Variants in PKHD1 observed in about 807,000 individuals in gnomAD.
PKHD1 encodes the protein PKHD1 ciliary IPT domain containing fibrocystin/polyductin, also known as fibrocystin.
A neutral mutation model predicts 412.0 loss-of-function variants in PKHD1; 291 were observed. The ratio of observed to expected loss-of-function variants is 0.71; its 90% CI spans 0.64 to 0.78. The LOEUF (loss-of-function observed/expected upper bound fraction) is 0.78, where lower values mean the gene tolerates loss of function less well. Among genes scored for constraint, PKHD1 ranks in the 30% least tolerant of loss-of-function variants. The pLI, the probability that PKHD1 is intolerant of heterozygous loss-of-function variation, is 0.00. For synonymous variants in PKHD1, 1,777 were observed against 1,821.5 expected (o/e 0.98, Z 0.62); for missense variants, 4,825 against 4,950.7 (o/e 0.97, Z 0.76).
chr6:52,003,001 C>G (rs1315810154), intron 35 of PKHD1, among the ~76,000 whole-genome samples: 3 of 152,046 alleles, frequency 2.0e-5, no homozygotes, highest in Admixed American at 6.6e-5. Context: ...CAATATGAAG[C>G]TCACTCTCAG....
intron 49 of PKHD1, among the ~76,000 whole-genome samples, chr6:51,849,146 T>C (rs529819476): frequency 2.0e-5 from 3 of 152,244 alleles, no homozygotes; most frequent in South Asian, 4.2e-4. Flanking sequence ...AGTGAGAACA[T>C]GCAGTGTTTG....
At position 52,059,259 on chromosome 6, in the gene PKHD1, C is replaced by CTTTTTTTTTTTTTTTTTTTTT. The variant is rs55992586; in HGVS notation, c.1233+648_1234-659dup. Among the ~76,000 whole-genome samples the CTTTTTTTTTTTTTTTTTTTTT allele has an allele frequency of 7.1e-4, 59 of 83,520 alleles. 1 individual carries two copies. The highest frequency in any genetic ancestry group is 9.9e-4 in the African/African-American group (19 of 19,168). The allele number at this position is 83,520 out of a possible 152,430, so 54.8% of individuals were successfully genotyped here. A position where few individuals can be genotyped will look rare whatever the true frequency, so the allele number is the denominator to read the frequency against. On this transcript the variant is annotated intron_variant, in intron 15 of 66. Coordinates refer to ENST00000371117, the MANE Select transcript of PKHD1 (RefSeq NM_138694.4). ...CTTTCTTTTTTTTCTTTTTCTTTTT[C>CTTTTTTTTTTTTTTTTTTTTT]TTTTTTTTTTTTTTTTTTTTTTTTG...
Position 51,638,859 on chromosome 6 carries a change from A to T in PKHD1, c.11496T>A (p.Thr3832=). Residue 3832 remains threonine, a synonymous_variant, in exon 64 of 67, where the codon ACT becomes ACA. Transcript: ENST00000371117. ...GSNWHFIFTV[T]SPPGVNFTAR... Reference sequence around the variant, plus strand: ...ACTGTATAAAATTACCTGGAGGAGAAGTGACAGTAAAAATAAAGTGCCAGT... The same window carrying T: ...ACTGTATAAAATTACCTGGAGGAGATGTGACAGTAAAAATAAAGTGCCAGT... 6.3e-7 allele frequency: 1 copy of T among 1,593,416 alleles called. No individual in the cohort carries two copies. Among genetic ancestry groups the T allele is most frequent in the Non-Finnish European group, 8.6e-7 (1 of 1,161,172 alleles).
At chr6:51,937,148 G>T (rs1242228464) in intron 36 of PKHD1, among the ~76,000 whole-genome samples, 1 of 152,160 alleles carries the variant, frequency 6.6e-6, no homozygotes, top group Admixed American at 6.5e-5. Flanking sequence ...TTGATTCCAG[G>T]TCTTTAGATA....
At position 51,616,684 on chromosome 6, in the gene PKHD1, G is replaced by A; in HGVS notation, c.*2397C>T. 2.5e-6 allele frequency: 1 copy of A among 398,406 alleles called. No individual in the cohort carries two copies. Among genetic ancestry groups the A allele is most frequent in the East Asian group, 3.6e-5 (1 of 28,058 alleles). The allele number at this position is 398,406 out of a possible 1,614,324, so 24.7% of individuals were successfully genotyped here. A position where few individuals can be genotyped will look rare whatever the true frequency, so the allele number is the denominator to read the frequency against. ...CCCAAAGAGTCAATTCTGGCCTCAG[G>A]GATCACAGGCTTTTCTGGGATGGAA... On this transcript the variant is annotated 3_prime_UTR_variant, in exon 67 of 67. Coordinates refer to ENST00000371117, the MANE Select transcript of PKHD1 (RefSeq NM_138694.4).
chr6:51,735,925 C>T (rs1486907675), intron 60 of PKHD1, among the ~76,000 whole-genome samples: 2 of 152,002 alleles, frequency 1.3e-5, no homozygotes, highest in African/African-American at 4.8e-5. Flanking sequence ...CAGAGTGAGA[C>T]CTTGTTTCTA....
At chr6:51,848,513 A>G (rs1417134147) in intron 49 of PKHD1, among the ~76,000 whole-genome samples, 2 of 152,214 alleles carry the variant, frequency 1.3e-5, no homozygotes, top group Admixed American at 6.5e-5. Flanking sequence ...AGGCAGGCAG[A>G]GGTTCAGTAG....
rs150609510 is a variant in PKHD1, at chr6:51,917,006, C to A, written c.6122-4430G>T. On this transcript the variant is annotated intron_variant, in intron 37 of 66. Coordinates refer to ENST00000371117, the MANE Select transcript of PKHD1 (RefSeq NM_138694.4). ...CATCCATAATTACACAGTCTCAGAG[C>A]ACCATTCTTACTAAATGGGCATGGA... Among the ~76,000 whole-genome samples, 633 of 152,106 alleles carry A rather than the reference C, an allele frequency of 4.2e-3. 2 individuals carry two copies. Among genetic ancestry groups the A allele is most frequent in the Non-Finnish European group, 6.7e-3 (454 of 67,972 alleles).
chr6:52,038,705 C>A (rs1408760969), intron 27 of PKHD1, among the ~76,000 whole-genome samples: 1 of 152,132 alleles, frequency 6.6e-6, no homozygotes, highest in Non-Finnish European at 1.5e-5. Flanking sequence ...CTAATACAGA[C>A]CCCTACCTCA....
chr6:51,873,638 A>C (rs1179154042), intron 46 of PKHD1, among the ~76,000 whole-genome samples: 1 of 152,234 alleles, frequency 6.6e-6, no homozygotes, highest in Non-Finnish European at 1.5e-5. Context: ...TACTAGAGAA[A>C]GGTAACATAG....
chr6:52,061,757 A>G (rs901547095), intron 14 of PKHD1, among the ~76,000 whole-genome samples: 9 of 152,152 alleles, frequency 5.9e-5, no homozygotes, highest in Admixed American at 5.9e-4. Context: ...ATTCACACTC[A>G]TGAGTCACAG....
At chr6:51,784,192 A>G (rs1392099327) in intron 53 of PKHD1, among the ~76,000 whole-genome samples, 2 of 152,206 alleles carry the variant, frequency 1.3e-5, no homozygotes, top group Non-Finnish European at 2.9e-5. Context: ...ACGGATCAGA[A>G]GGAAAGGTAA....
chr6:51,815,742 G>GA (rs1297996678), intron 52 of PKHD1, among the ~76,000 whole-genome samples: 1 of 152,110 alleles, frequency 6.6e-6, no homozygotes, highest in Non-Finnish European at 1.5e-5. Context: ...CAAGGCCTCA[G>GA]AAAAATTAAA....
chr6:51,749,497 T>A (rs1279570633), intron 57 of PKHD1, among the ~76,000 whole-genome samples: 1 of 152,124 alleles, frequency 6.6e-6, no homozygotes, highest in African/African-American at 2.4e-5. Flanking sequence ...AATAATAACA[T>A]GATTATAGAT....
At chr6:51,920,860 T>G (rs990677266) in intron 37 of PKHD1, among the ~76,000 whole-genome samples, 1 of 152,182 alleles carries the variant, frequency 6.6e-6, no homozygotes, top group African/African-American at 2.4e-5. Context: ...GGAGGGTGTA[T>G]GTGTCCAGGA....
intron 35 of PKHD1, among the ~76,000 whole-genome samples, chr6:51,982,561 G>A (rs1249417150): frequency 1.4e-5 from 2 of 142,380 alleles, no homozygotes; most frequent in Admixed American, 7.1e-5. Context: ...AGGGTTAAAT[G>A]GATTAAGGGC....
Position 51,977,370 on chromosome 6 carries a change from T to A in PKHD1, c.5752-17344A>T, listed in dbSNP as rs140637301. On this transcript the variant is annotated intron_variant, in intron 35 of 66. Transcript: ENST00000371117. ...CTCCCAACCTGAAAACTTACAGAAA[T>A]CACCTGTAGTCTTCAGATACACTCT... Among the ~76,000 whole-genome samples the A allele has an allele frequency of 8.5e-4, 130 of 152,322 alleles. 1 individual carries two copies. The highest frequency in any genetic ancestry group is 2.9e-3 in the African/African-American group (121 of 41,562).
intron 36 of PKHD1, among the ~76,000 whole-genome samples, chr6:51,947,757 C>A (rs1370918805): frequency 6.6e-6 from 1 of 152,162 alleles, no homozygotes; most frequent in African/African-American, 2.4e-5. Flanking sequence ...GTTTTAAACA[C>A]CATCGCACGC....
At chr6:51,866,506 T>C (rs4711984) in intron 48 of PKHD1, among the ~76,000 whole-genome samples, 137,544 of 152,122 alleles carry the variant, frequency 0.9, 62,623 homozygotes, top group East Asian at 0.99. Flanking sequence ...AAAGAGCAAA[T>C]GCTCAAACAA....
Sources: gnomAD v4.1 joint callset for allele counts (sites outside exome capture counted in the v4.1 genomes callset) on GRCh38, gnomAD v4.1.1 for gene constraint, MANE v1.5 for transcripts, NCBI Gene and HGNC (gene_info 2026-07-23, HGNC 2026-07-21) for gene names.